KLF12: variants seen among roughly 807,000 people sequenced by gnomAD.
The protein encoded by KLF12 is KLF transcription factor 12.
In KLF12, 9 loss-of-function variants were observed where a neutral mutation model predicts 37.8. That is an observed-to-expected ratio of 0.24 (90% CI 0.14 to 0.42). The LOEUF (loss-of-function observed/expected upper bound fraction) is 0.42, where lower values mean the gene tolerates loss of function less well. Among genes scored for constraint, KLF12 ranks in the 10% least tolerant of loss-of-function variants. The pLI is 1.00. For missense variants in KLF12, 411 were observed against 516.0 expected (o/e 0.80, Z 1.97); for synonymous variants, 208 against 202.1 (o/e 1.03, Z -0.25).
rs1009069249 is a variant in KLF12 at position 73,926,568 on chromosome 13, A to G, written c.123+17413T>C. On this transcript the variant is annotated intron_variant, in intron 3 of 7. Transcript: ENST00000377669. ...GTGGTGCTCTGGAACCAACTCTGCAATATCTCTGAGGTGTGTCTGTATCTT... is the reference window on the plus strand; with the variant it reads ...GTGGTGCTCTGGAACCAACTCTGCAGTATCTCTGAGGTGTGTCTGTATCTT... Among the ~76,000 whole-genome samples the G allele has an allele frequency of 4.1e-4, 62 of 151,902 alleles. 1 individual carries two copies. Among genetic ancestry groups the G allele is most frequent in the African/African-American group, 1.5e-3 (61 of 41,378 alleles).
At chr13:73,882,796 T>A (rs990253255) in intron 3 of KLF12, among the ~76,000 whole-genome samples, 2 of 152,156 alleles carry the variant, frequency 1.3e-5, no homozygotes, top group African/African-American at 4.8e-5. Context: ...AGCAATACAA[T>A]GTATTGTACA....
At chr13:74,231,105 C>T in the KLF12 span, among the ~76,000 whole-genome samples, 1 of 151,704 alleles carries the variant, frequency 6.6e-6, no homozygotes, top group African/African-American at 2.4e-5. Flanking sequence ...TCGTCATCTG[C>T]CTGTCATGTA....
At chr13:74,187,131 C>T in the KLF12 span, among the ~76,000 whole-genome samples, 1 of 152,132 alleles carries the variant, frequency 6.6e-6, no homozygotes, top group Non-Finnish European at 1.5e-5. Context: ...TTGCAGACAA[C>T]AGCCTGGGCA....
chr13:74,252,259 G>A, the KLF12 span, among the ~76,000 whole-genome samples: 1 of 152,174 alleles, frequency 6.6e-6, no homozygotes, highest in African/African-American at 2.4e-5. Flanking sequence ...CTTAGGTAGG[G>A]CTGCCAGCCA....
chr13:73,936,870 T>C (rs1333318441), intron 3 of KLF12, among the ~76,000 whole-genome samples: 1 of 152,146 alleles, frequency 6.6e-6, no homozygotes, highest in Non-Finnish European at 1.5e-5. Context: ...TCCTTTGTGG[T>C]CAGAAGCAAA....
chr13:73,709,366 A>T (rs1875190271), intron 7 of KLF12, among the ~76,000 whole-genome samples: 1 of 152,186 alleles, frequency 6.6e-6, no homozygotes, highest in African/African-American at 2.4e-5. Flanking sequence ...TCGTAAGTCA[A>T]CTGGTATAAT....
intron 4 of KLF12, among the ~76,000 whole-genome samples, chr13:73,837,501 A>G (rs753235857): frequency 1.1e-4 from 17 of 152,276 alleles, no homozygotes; most frequent in Non-Finnish European, 2.5e-4. Flanking sequence ...AATAAACCAC[A>G]AATCACCAAT....
chr13:73,959,554 A>G (rs1159932630), intron 2 of KLF12, among the ~76,000 whole-genome samples: 1 of 151,216 alleles, frequency 6.6e-6, no homozygotes, highest in Non-Finnish European at 1.5e-5. Flanking sequence ...GAAGTCTACT[A>G]GTAGATAAGG....
chr13:74,176,262 T>A, the KLF12 span, among the ~76,000 whole-genome samples: 11 of 152,180 alleles, frequency 7.2e-5, no homozygotes, highest in South Asian at 6.2e-4. Flanking sequence ...GTATAAATAC[T>A]CCTTGCCCTG....
At chr13:74,030,825 T>C (rs1016760709) in intron 1 of KLF12, among the ~76,000 whole-genome samples, 1 of 152,106 alleles carries the variant, frequency 6.6e-6, no homozygotes, top group African/African-American at 2.4e-5. Context: ...ATGTACCCCC[T>C]TGACATGAGG....
At chr13:74,148,486 C>A in the KLF12 span, among the ~76,000 whole-genome samples, 6 of 125,312 alleles carry the variant, frequency 4.8e-5, no homozygotes, top group Admixed American at 8.3e-5. Flanking sequence ...GACTTTCACT[C>A]CCCCCCCACC....
chr13:73,917,299 G>A (rs941805216), intron 3 of KLF12, among the ~76,000 whole-genome samples: 7 of 152,032 alleles, frequency 4.6e-5, no homozygotes, highest in African/African-American at 7.3e-5. Context: ...ACCTTTCCTG[G>A]TACTACCCCC....
intron 1 of KLF12, among the ~76,000 whole-genome samples, chr13:74,008,502 C>T (rs528825936): frequency 1.1e-4 from 17 of 152,284 alleles, no homozygotes; most frequent in African/African-American, 3.1e-4. Flanking sequence ...TTATGGCTGA[C>T]GACTAAATAT....
At chr13:73,937,076 G>A (rs1889968040) in intron 3 of KLF12, among the ~76,000 whole-genome samples, 1 of 152,064 alleles carries the variant, frequency 6.6e-6, no homozygotes, top group South Asian at 2.1e-4. Flanking sequence ...TATAATCCCA[G>A]TTACTTGGGA....
chr13:73,713,950 T>C (rs1228673376), intron 7 of KLF12, among the ~76,000 whole-genome samples: 2 of 152,212 alleles, frequency 1.3e-5, no homozygotes, highest in African/African-American at 2.4e-5. Flanking sequence ...GTCAGTAATA[T>C]GGTCTAATCA....
intron 4 of KLF12, among the ~76,000 whole-genome samples, chr13:73,828,486 C>G (rs1356076486): frequency 2.0e-5 from 3 of 152,060 alleles, no homozygotes; most frequent in Admixed American, 6.5e-5. Flanking sequence ...GAACAAGAAC[C>G]TGGGCATTAT....
chr13:73,775,218 T>C (rs1393858005), intron 5 of KLF12, among the ~76,000 whole-genome samples: 1 of 152,166 alleles, frequency 6.6e-6, no homozygotes, highest in Non-Finnish European at 1.5e-5. Context: ...GTGCCCGGCC[T>C]ATCACTCTTT....
chr13:73,845,840 T>C lies in KLF12; in HGVS notation c.657A>G (p.Arg219=). The change falls in exon 4 of 8, where the codon AGA becomes AGG. Residue 219 remains arginine (R), a synonymous_variant. Coordinates refer to ENST00000377669, the MANE Select transcript of KLF12 (RefSeq NM_007249.5). ...TATGTCTCTTACCTTTGCCATGGCC[T>C]CTCCCATCCTCCAAAAGCGGCACGA... is the stretch of plus-strand genomic sequence containing the variant. The C allele has an allele frequency of 6.2e-7, 1 of 1,613,270 alleles. No homozygotes were observed. Among genetic ancestry groups the C allele is most frequent in the Non-Finnish European group, 8.5e-7 (1 of 1,179,380 alleles).
At chr13:74,298,985 A>C in the KLF12 span, among the ~76,000 whole-genome samples, 1 of 152,188 alleles carries the variant, frequency 6.6e-6, no homozygotes, top group Non-Finnish European at 1.5e-5. Flanking sequence ...CGGAATTCTC[A>C]ACAAGGAAAG....
Sources: gnomAD v4.1 joint callset for allele counts (sites outside exome capture counted in the v4.1 genomes callset) on GRCh38, gnomAD v4.1.1 for gene constraint, MANE v1.5 for transcripts, NCBI Gene and HGNC (gene_info 2026-07-23, HGNC 2026-07-21) for gene names.